The following SLC50A1 variants were observed in gnomAD, a reference collection of about 807,000 sequenced individuals.
SLC50A1 encodes the protein sugar transporter SWEET1.
SLC50A1 carries 22 observed loss-of-function variants against 28.9 expected under a neutral mutation model. The observed-to-expected ratio is 0.76, with a 90% confidence interval of 0.54 to 1.09. SLC50A1 has a LOEUF of 1.09. SLC50A1 is among the 50% of genes least tolerant of loss of function. The pLI, the probability that SLC50A1 is intolerant of heterozygous loss-of-function variation, is 0.00. For missense variants in SLC50A1, 233 were observed against 273.4 expected, an observed-to-expected ratio of 0.85 and a Z score of 1.04; for synonymous variants, 96 against 110.6, an observed-to-expected ratio of 0.87 and a Z score of 0.83.
chr1:155,135,889 C>T lies in SLC50A1; in HGVS notation c.-23C>T, dbSNP rs769266045. On this transcript the variant is annotated 5_prime_UTR_variant, in exon 1 of 6. Coordinates refer to ENST00000368404, the MANE Select transcript of SLC50A1 (RefSeq NM_018845.4). The stretch of plus-strand genomic sequence containing the variant: ...CCGCAGGCTCGCGGCGGGCGCTGGG[C>T]GCGGGATCCGACTCTAGTCGTAATG... 5 of 1,608,036 alleles carry T rather than the reference C, an allele frequency of 3.1e-6. No individual in the cohort carries two copies. In the East Asian group the frequency reaches 6.7e-5, roughly 22 times the overall value.
At chr1:155,135,596 G>A, upstream of SLC50A1, 1 of 1,549,874 alleles carries the variant, frequency 6.5e-7, no homozygotes, top group South Asian at 1.2e-5. Flanking sequence ...GATGATCCAA[G>A]GGGTAGGCAG....
chr1:155,137,200 C>G, intron 3 of SLC50A1: 1 of 571,996 alleles, frequency 1.7e-6, no homozygotes, highest in Non-Finnish European at 3.1e-6. Context: ...CTTCAGCCAA[C>G]AAGCTAAGGG....
At chr1:155,135,817 G>C, upstream of SLC50A1, 1 of 1,576,070 alleles carries the variant, frequency 6.3e-7, no homozygotes, top group Non-Finnish European at 8.6e-7. Context: ...GAGTGCGCGG[G>C]GCGGGGCTCC....
At chr1:155,137,050 A>G in intron 3 of SLC50A1, 99 bp downstream of exon 3, 1 of 1,505,908 alleles carries the variant, frequency 6.6e-7, no homozygotes, top group South Asian at 1.2e-5. Flanking sequence ...TGGCACTGCC[A>G]CCTTTTCCAG....
At chr1:155,137,244 GCCAGGGCCT>G in intron 3 of SLC50A1, 1 of 546,588 alleles carries the variant, frequency 1.8e-6, no homozygotes, top group Admixed American at 3.1e-5. Context: ...TTCTTTCAGA[GCCAGGGCCT>G]GTGGGTGAGA....
chr1:155,136,451 G>A, intron 2 of SLC50A1, 75 bp downstream of exon 2: 20 of 1,444,882 alleles, frequency 1.4e-5, no homozygotes, highest in Non-Finnish European at 1.9e-5. Context: ...GAGCAAGAGT[G>A]AAAGAGGTTT....
Position 155,138,518 on chromosome 1 carries a change from G to A in SLC50A1, c.*237G>A. 1.9e-6 allele frequency: 1 copy of A among 530,372 alleles called. No homozygotes were observed. The highest frequency in any genetic ancestry group is 3.4e-6 in the Non-Finnish European group (1 of 298,304). The allele number at this position is 530,372 out of a possible 1,614,324, so 32.9% of individuals were successfully genotyped here. ...TTTTTTTAATTTTGGAGGTTGGGGT[G>A]CAATCTTTAGAATATGCCTTAAAAG... On this transcript the variant is annotated 3_prime_UTR_variant, in exon 6 of 6. Coordinates refer to ENST00000368404, the MANE Select transcript of SLC50A1 (RefSeq NM_018845.4).
In SLC50A1 at chr1:155,136,964, C is replaced by A. The variant is rs781044903; in HGVS notation, c.282+13C>A. Reference sequence around the variant, plus strand: ...CTGCCCTCGGAAGGTAGAGGCCCTCCCTTGGACCCACCTATCTGCTGCACG... The same window carrying A: ...CTGCCCTCGGAAGGTAGAGGCCCTCACTTGGACCCACCTATCTGCTGCACG... On this transcript the variant is annotated intron_variant, in intron 3 of 5. Coordinates refer to ENST00000368404, the MANE Select transcript of SLC50A1 (RefSeq NM_018845.4). 6.2e-7 allele frequency: 1 copy of A among 1,612,362 alleles called. No individual in the cohort carries two copies. The highest frequency in any genetic ancestry group is 1.7e-5 in the Admixed American group (1 of 59,978).
At chr1:155,135,791 GT>G, upstream of SLC50A1, 1 of 1,555,766 alleles carries the variant, frequency 6.4e-7, no homozygotes. Context: ...CGGCCCGAGC[GT>G]GCGGGGGCGG....
chr1:155,136,238 C>G, intron 1 of SLC50A1, 61 bp from the exon 2 acceptor site: 2 of 1,199,586 alleles, frequency 1.7e-6, no homozygotes, highest in South Asian at 2.6e-5. Context: ...TTGGGCATCC[C>G]CCTCTAGCAC....
chr1:155,135,675 G>A (rs1447465193), upstream of SLC50A1: 10 of 1,550,414 alleles, frequency 6.4e-6, no homozygotes, highest in Middle Eastern at 3.4e-4. Flanking sequence ...CCGGGACATG[G>A]AAGAGGTCTG....
At chr1:155,136,630 C>G in intron 2 of SLC50A1, 198 bp from the exon 3 acceptor site, 1 of 813,122 alleles carries the variant, frequency 1.2e-6, no homozygotes, top group South Asian at 1.8e-5. Flanking sequence ...GTAGTCCCAG[C>G]TACTCGGGAG....
rs1571695512 is a variant in SLC50A1 at position 155,136,849 on chromosome 1, T to C, written c.180T>C (p.Tyr60=). 4 of 1,614,172 alleles carry C rather than the reference T, an allele frequency of 2.5e-6. No individual in the cohort carries two copies. Among genetic ancestry groups the C allele is most frequent in the Non-Finnish European group, 2.5e-6 (3 of 1,180,014 alleles). The change falls in exon 3 of 6, where the codon TAT becomes TAC. Residue 60 remains tyrosine (Y), a synonymous_variant. Coordinates refer to ENST00000368404, the MANE Select transcript of SLC50A1 (RefSeq NM_018845.4). ...GCAGCAACCTGGGCTGGCTGAGTTA[T>C]GGGGCTTTGAAGGGAGACGGGATCC... The part of the protein sequence containing the change: ...TEVNNLGWLS[Y]GALKGDGILI...
upstream of SLC50A1, chr1:155,135,792 TGCGGGGGCGGAGCCGAGTGCGCGGG>T: frequency 2.6e-6 from 4 of 1,555,998 alleles, no homozygotes; most frequent in Non-Finnish European, 3.5e-6. Flanking sequence ...GGCCCGAGCG[TGCGGGGGCGGAGCCGAGTGCGCGGG>T]GCGGGGCTCC....
intron 4 of SLC50A1, 98 bp downstream of exon 4, chr1:155,137,820 C>T: frequency 6.3e-7 from 1 of 1,581,124 alleles, no homozygotes; most frequent in Non-Finnish European, 8.6e-7. Context: ...GATCCAAACC[C>T]TGGAAGAAGA....
At chr1:155,136,179 GGGGGGAGA>G in intron 1 of SLC50A1, 112 bp from the exon 2 acceptor site, 2 of 860,000 alleles carry the variant, frequency 2.3e-6, no homozygotes, top group Non-Finnish European at 3.6e-6. Context: ...ATAGCTGGCG[GGGGGGAGA>G]GGGGGCGGGG....
rs972164271 is a variant in SLC50A1 at position 155,138,551 on chromosome 1, G to A, written c.*270G>A. 3.8e-5 allele frequency: 16 copies of A among 418,874 alleles called. No homozygotes were observed. The Admixed American group carries it at 4.6e-4, about 12-fold the overall frequency. 25.9% of individuals were successfully genotyped at this position (418,874 alleles called of 1,614,324 possible). A position where few individuals can be genotyped will look rare whatever the true frequency, so the allele number is the denominator to read the frequency against. The stretch of plus-strand genomic sequence containing the variant: ...TAGAATATGCCTTAAAAGGCCGGGC[G>A]CGGTGGCTCACGCCTGTAATCCCAG... On this transcript the variant is annotated 3_prime_UTR_variant, in exon 6 of 6. Coordinates refer to ENST00000368404, the MANE Select transcript of SLC50A1 (RefSeq NM_018845.4).
Position 155,137,543 on chromosome 1 carries a change from G to A in SLC50A1, c.283-18G>A, listed in dbSNP as rs777220332. 1.2e-6 allele frequency: 2 copies of A among 1,613,496 alleles called. No homozygotes were observed. Among genetic ancestry groups the A allele is most frequent in the Non-Finnish European group, 1.7e-6 (2 of 1,179,702 alleles). On this transcript the variant is annotated intron_variant, in intron 3 of 5. Transcript: ENST00000368404. ...TCAGAGTGCACATCTGGAAGTAAGG[G>A]TACTCTCTCCCCTGCAGCGTGTTGT... is the stretch of plus-strand genomic sequence containing the variant.
rs1428590108 is a variant in SLC50A1 at position 155,138,069 on chromosome 1, G to A, written c.535G>A (p.Gly179Arg). Residue 179 changes from glycine to arginine, a missense_variant, in exon 5 of 6, where the codon GGG becomes AGG. Coordinates refer to ENST00000368404, the MANE Select transcript of SLC50A1 (RefSeq NM_018845.4). ...CACCTCTGCCTCCTGGTGCCTCTAT[G>A]GGTTTCGACTCAGAGATCCCTATAT... Reference protein sequence around the residue: ...LLTSASWCLYGFRLRDPYIMV... With the variant: ...LLTSASWCLYRFRLRDPYIMV... 5.0e-6 allele frequency: 8 copies of A among 1,614,136 alleles called. No individual in the cohort carries two copies. The highest frequency in any genetic ancestry group is 6.8e-6 in the Non-Finnish European group (8 of 1,180,032).
Sources: gnomAD v4.1 joint callset for allele counts on GRCh38, gnomAD v4.1.1 for gene constraint, MANE v1.5 for transcripts, NCBI Gene and HGNC (gene_info 2026-07-23, HGNC 2026-07-21) for gene names.